WDFY3: variants seen among roughly 807,000 people sequenced by gnomAD.
WDFY3 encodes WD repeat and FYVE domain containing 3.
In WDFY3, 66 loss-of-function variants were observed where a neutral mutation model predicts 409.6. The observed-to-expected ratio is 0.16, with a 90% confidence interval of 0.13 to 0.20. The LOEUF (loss-of-function observed/expected upper bound fraction) is 0.20. Among genes scored for constraint, WDFY3 ranks in the 10% least tolerant of loss-of-function variants. The pLI is 1.00. For synonymous variants in WDFY3, 1,521 were observed against 1,537.1 expected (o/e 0.99, Z 0.25); for missense variants, 3,031 against 4,298.1 (o/e 0.71, Z 8.24).
chr4:84,921,531 T>C (rs1769271820), intron 2 of WDFY3, among the ~76,000 whole-genome samples: 1 of 152,016 alleles, frequency 6.6e-6, no homozygotes, highest in African/African-American at 2.4e-5. Flanking sequence ...TATTTTTATA[T>C]GTCTTTATCA....
intron 3 of WDFY3, among the ~76,000 whole-genome samples, chr4:84,887,659 T>G (rs1380305564): frequency 6.6e-6 from 1 of 152,202 alleles, no homozygotes; most frequent in Non-Finnish European, 1.5e-5. Context: ...GTATGCCTAC[T>G]TTATACATTT....
chr4:84,723,475 C>G (rs971010328), intron 46 of WDFY3, among the ~76,000 whole-genome samples: 3 of 151,992 alleles, frequency 2.0e-5, no homozygotes, highest in Admixed American at 6.6e-5. Context: ...TTAATTTACA[C>G]TTTAGGGCTT....
chr4:84,841,671 T>A (rs924569942), intron 5 of WDFY3, among the ~76,000 whole-genome samples: 1 of 152,178 alleles, frequency 6.6e-6, no homozygotes, highest in African/African-American at 2.4e-5. Flanking sequence ...GACAAAGAAC[T>A]GTGATAACAC....
In WDFY3 at chr4:84,716,656, T is replaced by G. The variant is rs1383741343; in HGVS notation, c.7875+240A>C. On this transcript the variant is annotated intron_variant, in intron 49 of 67. Coordinates refer to ENST00000295888, the MANE Select transcript of WDFY3 (RefSeq NM_014991.6). ...CTAAAAAAATACAAAAAAATTAGCCTGGCGTGGTGGCGGGCGCCTATAGTC... is the reference window on the plus strand; with the variant it reads ...CTAAAAAAATACAAAAAAATTAGCCGGGCGTGGTGGCGGGCGCCTATAGTC... 6.4e-5 allele frequency among the ~76,000 whole-genome samples: 9 copies of G among 139,694 alleles called. No homozygotes were observed. The East Asian group carries it at 6.8e-4, about 11-fold the overall frequency. The allele number at this position is 139,694 out of a possible 152,430, so 91.6% of individuals were successfully genotyped here.
intron 56 of WDFY3, 115 bp downstream of exon 56, chr4:84,702,236 CTG>C (rs1446836755): frequency 2.6e-6 from 3 of 1,139,664 alleles, no homozygotes; most frequent in Non-Finnish European, 3.6e-6. Context: ...CTGCAAGAAA[CTG>C]TATCAAATTT....
chr4:84,957,988 T>C (rs1008424553), intron 1 of WDFY3, among the ~76,000 whole-genome samples: 3 of 152,230 alleles, frequency 2.0e-5, no homozygotes, highest in African/African-American at 7.2e-5. Flanking sequence ...AACTTGGAGA[T>C]AAATTATTTC....
Position 84,907,513 on chromosome 4 carries a change from G to C in WDFY3, c.-131-10503C>G, listed in dbSNP as rs1767200768. Among the ~76,000 whole-genome samples, 6 of 152,138 alleles carry C rather than the reference G, an allele frequency of 3.9e-5. No homozygotes were observed. In the South Asian group the frequency reaches 1.2e-3, roughly 31 times the overall value. ...CCATGTACGTGAGCCATCCTGGAAA[G>C]TGATCCTCTAGTCCCAGTCAAGCCT... On this transcript the variant is annotated intron_variant, in intron 2 of 67. Coordinates refer to ENST00000295888, the MANE Select transcript of WDFY3 (RefSeq NM_014991.6).
rs145071618 is a variant in WDFY3 at position 84,669,641 on chromosome 4, C to G, written c.*3227G>C. On this transcript the variant is annotated 3_prime_UTR_variant, in exon 68 of 68. Coordinates refer to ENST00000295888, the MANE Select transcript of WDFY3 (RefSeq NM_014991.6). ...AATCATGTATTGTAATTGTGTTACT[C>G]TACCTTTTTGCATCAGAGACAAATA... 9.4e-5 allele frequency: 14 copies of G among 148,348 alleles called. No homozygotes were observed. Among genetic ancestry groups the G allele is most frequent in the African/African-American group, 3.5e-4 (14 of 39,978 alleles). 9.2% of individuals were successfully genotyped at this position (148,348 alleles called of 1,614,324 possible). A position where few individuals can be genotyped will look rare whatever the true frequency, so the allele number is the denominator to read the frequency against.
intron 7 of WDFY3, among the ~76,000 whole-genome samples, chr4:84,833,085 T>C (rs951327853): frequency 9.2e-5 from 14 of 151,992 alleles, no homozygotes; most frequent in Admixed American, 2.6e-4. Context: ...CAAGACTTCT[T>C]AAGTACTGGA....
chr4:84,930,093 C>A (rs1480943927), intron 2 of WDFY3, among the ~76,000 whole-genome samples: 2 of 152,086 alleles, frequency 1.3e-5, no homozygotes, highest in East Asian at 3.9e-4. Context: ...GACTGTGAGA[C>A]CATAAATTCC....
intron 39 of WDFY3, among the ~76,000 whole-genome samples, chr4:84,739,817 G>C (rs1249487576): frequency 6.6e-6 from 1 of 152,110 alleles, no homozygotes; most frequent in African/African-American, 2.4e-5. Flanking sequence ...TGAAATATCT[G>C]TCAAAGCAAT....
At chr4:84,880,674 C>CATATATATATATATATAT (rs61351182) in intron 3 of WDFY3, among the ~76,000 whole-genome samples, 7 of 50,358 alleles carry the variant, frequency 1.4e-4, no homozygotes, top group African/African-American at 1.8e-4. Flanking sequence ...GGGAACCATA[C>CATATATATATATATATAT]ATATATATAT....
intron 10 of WDFY3, 95 bp from the exon 11 acceptor site, chr4:84,821,646 T>C (rs988788911): frequency 6.6e-6 from 7 of 1,054,330 alleles, no homozygotes; most frequent in Non-Finnish European, 8.2e-6. Flanking sequence ...TTATAACATT[T>C]ATCAATTATT....
Position 84,803,285 on chromosome 4 carries a change from C to T in WDFY3, c.2607+5G>A. ...ACGGGAAGGAACTAACATATTCAAG[C>T]TTACTTCTGGCTGTGTCACTGACCC... On this transcript the variant is annotated splice_donor_5th_base_variant and intron_variant, in intron 16 of 67. Coordinates refer to ENST00000295888, the MANE Select transcript of WDFY3 (RefSeq NM_014991.6). 1.3e-6 allele frequency: 2 copies of T among 1,598,790 alleles called. No individual in the cohort carries two copies. The highest frequency in any genetic ancestry group is 8.5e-7 in the Non-Finnish European group (1 of 1,174,526).
At position 84,755,002 on chromosome 4, in the gene WDFY3, A is replaced by C. The variant is rs1741194131; in HGVS notation, c.5559+264T>G. ...TATTGTCGGCATTTTAAACACCAGG[A>C]AACTGAGGCACATAACTGAGGATAA... On this transcript the variant is annotated intron_variant, in intron 34 of 67. Transcript: ENST00000295888. Among the ~76,000 whole-genome samples, 6 of 152,160 alleles carry C rather than the reference A, an allele frequency of 3.9e-5. No homozygotes were observed. In the South Asian group the frequency reaches 1.2e-3, roughly 31 times the overall value.
At chr4:84,866,028 G>T in intron 3 of WDFY3, among the ~76,000 whole-genome samples, 1 of 152,110 alleles carries the variant, frequency 6.6e-6, no homozygotes, top group East Asian at 1.9e-4. Flanking sequence ...CCATGAGCAT[G>T]CCACTGTACT....
chr4:84,738,031 A>G (rs1737759966), intron 40 of WDFY3, among the ~76,000 whole-genome samples: 2 of 152,214 alleles, frequency 1.3e-5, no homozygotes, highest in African/African-American at 4.8e-5. Context: ...GGGTGAAAAT[A>G]ATAACCGCAT....
At chr4:84,677,509 C>CTCTCCAGGACCCTTA in intron 66 of WDFY3, 113 bp from the exon 67 acceptor site, 2 of 945,058 alleles carry the variant, frequency 2.1e-6, no homozygotes, top group Non-Finnish European at 3.0e-6. Flanking sequence ...TGGTAAGGGT[C>CTCTCCAGGACCCTTA]CTGGAGAGAC....
intron 47 of WDFY3, among the ~76,000 whole-genome samples, chr4:84,719,766 T>A (rs1437626088): frequency 6.6e-6 from 1 of 152,234 alleles, no homozygotes; most frequent in Non-Finnish European, 1.5e-5. Context: ...AAAAATTTTG[T>A]GTGACCAGCA....
Sources: gnomAD v4.1 joint callset for allele counts (sites outside exome capture counted in the v4.1 genomes callset) on GRCh38, gnomAD v4.1.1 for gene constraint, MANE v1.5 for transcripts, NCBI Gene and HGNC (gene_info 2026-07-23, HGNC 2026-07-21) for gene names.